The following CIAPIN1 variants were observed in gnomAD, a reference collection of about 807,000 sequenced individuals.
The protein encoded by CIAPIN1 is cytokine induced apoptosis inhibitor 1.
CIAPIN1 carries 18 observed loss-of-function variants against 34.3 expected under a neutral mutation model. The ratio of observed to expected loss-of-function variants is 0.52; its 90% CI spans 0.36 to 0.78. The LOEUF (loss-of-function observed/expected upper bound fraction) is 0.78. Ranked by LOEUF, CIAPIN1 falls within the 30% of genes least tolerant of loss-of-function variation. The pLI, the probability that CIAPIN1 is intolerant of heterozygous loss-of-function variation, is 0.00. For missense variants in CIAPIN1, 310 were observed against 372.5 expected, an observed-to-expected ratio of 0.83 and a Z score of 1.38; for synonymous variants, 131 against 140.4, an observed-to-expected ratio of 0.93 and a Z score of 0.47.
intron 3 of CIAPIN1, among the ~76,000 whole-genome samples, chr16:57,438,435 G>T (rs1470718508): frequency 6.6e-6 from 1 of 152,108 alleles, no homozygotes; most frequent in African/African-American, 2.4e-5. Flanking sequence ...ACAAAAAAAA[G>T]TTCTGTATAT....
At chr16:57,434,676 A>G (rs1359332417) in intron 4 of CIAPIN1, among the ~76,000 whole-genome samples, 1 of 152,240 alleles carries the variant, frequency 6.6e-6, no homozygotes, top group Non-Finnish European at 1.5e-5. Flanking sequence ...TCTATGTCCA[A>G]TAATTATAGA....
At position 57,430,353 on chromosome 16, in the gene CIAPIN1, A is replaced by T; in HGVS notation, c.747-14T>A. 24 of 1,613,626 alleles carry T rather than the reference A, an allele frequency of 1.5e-5. No homozygotes were observed. The highest frequency in any genetic ancestry group is 2.0e-5 in the Non-Finnish European group (23 of 1,179,456). Reference sequence around the variant, plus strand: ...AGGCCACAGGTGCTGCGGGAAAATCAGTAACTAATGAACGAGAATTGTCAC... The same window carrying T: ...AGGCCACAGGTGCTGCGGGAAAATCTGTAACTAATGAACGAGAATTGTCAC... On this transcript the variant is annotated splice_polypyrimidine_tract_variant and intron_variant, in intron 7 of 8. Transcript: ENST00000394391.
Position 57,429,020 on chromosome 16 carries a change from C to G in CIAPIN1, c.*150G>C, listed in dbSNP as rs536042144. 6.4e-6 allele frequency: 4 copies of G among 628,826 alleles called. No individual in the cohort carries two copies. The highest frequency in any genetic ancestry group is 1.9e-5 in the South Asian group (1 of 53,368). The allele number at this position is 628,826 out of a possible 1,614,324, so 39.0% of individuals were successfully genotyped here. A position where few individuals can be genotyped will look rare whatever the true frequency, so the allele number is the denominator to read the frequency against. On this transcript the variant is annotated 3_prime_UTR_variant, in exon 9 of 9. Coordinates refer to ENST00000394391, the MANE Select transcript of CIAPIN1 (RefSeq NM_020313.4). ...GCAGCACTACACACCACTGTGCCCC[C>G]CAGCCAGCTTCACTCTGTCTGCTAA...
chr16:57,439,345 G>C lies in CIAPIN1; in HGVS notation c.158-11C>G, dbSNP rs759569190. Reference sequence around the variant, plus strand: ...ATTCTTTGTGGGCAGCTGAAAAGAAGAGGACTCTAATTAGCAATCTCCTGA... The same window carrying C: ...ATTCTTTGTGGGCAGCTGAAAAGAACAGGACTCTAATTAGCAATCTCCTGA... On this transcript the variant is annotated splice_polypyrimidine_tract_variant and intron_variant, in intron 2 of 8. Transcript: ENST00000394391. 1.9e-6 allele frequency: 3 copies of C among 1,614,110 alleles called. No individual in the cohort carries two copies.
intron 7 of CIAPIN1, 137 bp downstream of exon 7, chr16:57,431,014 T>A (rs577319814): frequency 7.1e-5 from 37 of 522,866 alleles, no homozygotes; most frequent in Middle Eastern, 5.5e-4. Context: ...TTTTTTTTTT[T>A]AATTATTTGC....
chr16:57,443,276 A>G (rs1214236358), intron 1 of CIAPIN1, among the ~76,000 whole-genome samples: 1 of 151,410 alleles, frequency 6.6e-6, no homozygotes, highest in East Asian at 1.9e-4. Flanking sequence ...AGTAGCTGGG[A>G]TTACAGGCGT....
chr16:57,430,150 T>C, intron 8 of CIAPIN1, 108 bp downstream of exon 8: 1 of 942,084 alleles, frequency 1.1e-6, no homozygotes, highest in Non-Finnish European at 1.7e-6. Context: ...GCTCACGCAT[T>C]CGTCTGTTAC....
intron 6 of CIAPIN1, 33 bp downstream of exon 6, chr16:57,432,454 G>A (rs1443439140): frequency 6.2e-7 from 1 of 1,606,282 alleles, no homozygotes; most frequent in Non-Finnish European, 8.5e-7. Flanking sequence ...GGGCCTGAAA[G>A]AAAGCAATCA....
chr16:57,439,333 A>C lies in CIAPIN1; in HGVS notation c.159T>G (p.Ser53=), dbSNP rs1455155981. Residue 53 remains serine (S), a splice_region_variant and synonymous_variant, in exon 3 of 9, where the codon TCT becomes TCG. Transcript: ENST00000394391. Reference sequence around the variant, plus strand: ...TGTCAAAGCTGGATTCTTTGTGGGCAGCTGAAAAGAAGAGGACTCTAATTA... The same window carrying C: ...TGTCAAAGCTGGATTCTTTGTGGGCCGCTGAAAAGAAGAGGACTCTAATTA... ...SVENIKQLLQ[S]AHKESSFDII... The C allele has an allele frequency of 1.9e-6, 3 of 1,614,080 alleles. No individual in the cohort carries two copies. Among genetic ancestry groups the C allele is most frequent in the East Asian group, 4.5e-5 (2 of 44,896 alleles).
At chr16:57,439,613 C>T (rs1200253724) in intron 2 of CIAPIN1, among the ~76,000 whole-genome samples, 1 of 152,254 alleles carries the variant, frequency 6.6e-6, no homozygotes, top group African/African-American at 2.4e-5. Context: ...GGCAAAAGTA[C>T]ACAAATTGTG....
intron 1 of CIAPIN1, among the ~76,000 whole-genome samples, chr16:57,443,284 C>T (rs1316896363): frequency 6.6e-6 from 1 of 151,254 alleles, no homozygotes; most frequent in Non-Finnish European, 1.5e-5. Context: ...GGATTACAGG[C>T]GTGCACCACC....
intron 1 of CIAPIN1, among the ~76,000 whole-genome samples, chr16:57,443,417 G>C (rs1233489304): frequency 6.6e-6 from 1 of 152,134 alleles, no homozygotes; most frequent in East Asian, 1.9e-4. Flanking sequence ...GAGATTACAG[G>C]TGTGAGCCAC....
chr16:57,429,443 G>T (rs1903029667), intron 8 of CIAPIN1, among the ~76,000 whole-genome samples, 163 bp from the exon 9 acceptor site: 1 of 152,122 alleles, frequency 6.6e-6, no homozygotes, highest in African/African-American at 2.4e-5. Context: ...CAAGATTTCT[G>T]GTTTCGTGAA....
At chr16:57,441,559 C>G (rs2064233531) in intron 1 of CIAPIN1, among the ~76,000 whole-genome samples, 1 of 152,182 alleles carries the variant, frequency 6.6e-6, no homozygotes, top group Non-Finnish European at 1.5e-5. Flanking sequence ...TAAACATTAT[C>G]TCAACTGAAT....
At chr16:57,429,788 G>A (rs549865353) in intron 8 of CIAPIN1, among the ~76,000 whole-genome samples, 36 of 136,320 alleles carry the variant, frequency 2.6e-4, no homozygotes, top group East Asian at 1.1e-3. Flanking sequence ...CACCGCACCC[G>A]GCCTTTTTTT....
intron 1 of CIAPIN1, among the ~76,000 whole-genome samples, chr16:57,445,153 C>A (rs899568709): frequency 2.0e-5 from 3 of 152,090 alleles, no homozygotes; most frequent in South Asian, 2.1e-4. Flanking sequence ...TTCTTTAACT[C>A]GGGTGCATAA....
At chr16:57,432,593 A>C in intron 5 of CIAPIN1, 33 bp from the exon 6 acceptor site, 2 of 1,570,032 alleles carry the variant, frequency 1.3e-6, no homozygotes, top group South Asian at 2.2e-5. Context: ...AAAACTCCAT[A>C]AACACAGTCA....
Position 57,429,169 on chromosome 16 carries a change from C to T in CIAPIN1, c.*1G>A. ...CAGATGGGTCCCATGTCAGGAACCTCCTAGGCATCATGAAGATTGCTATCA... is the reference window on the plus strand; with the variant it reads ...CAGATGGGTCCCATGTCAGGAACCTTCTAGGCATCATGAAGATTGCTATCA... On this transcript the variant is annotated 3_prime_UTR_variant, in exon 9 of 9. Coordinates refer to ENST00000394391, the MANE Select transcript of CIAPIN1 (RefSeq NM_020313.4). 1 of 1,608,552 alleles carries T rather than the reference C, an allele frequency of 6.2e-7. No individual in the cohort carries two copies. The highest frequency in any genetic ancestry group is 8.5e-7 in the Non-Finnish European group (1 of 1,176,594).
At position 57,439,239 on chromosome 16, in the gene CIAPIN1, G is replaced by A. The variant is rs752413838; in HGVS notation, c.253C>T (p.Arg85Trp). 2.7e-5 allele frequency: 43 copies of A among 1,614,006 alleles called. No homozygotes were observed. Among genetic ancestry groups the A allele is most frequent in the African/African-American group, 4.0e-5 (3 of 74,896 alleles). Residue 85 changes from arginine to tryptophan, a missense_variant, in exon 3 of 9, where the codon CGG becomes TGG. Arg to Trp is a moderately radical substitution (Grantham distance 101). Transcript: ENST00000394391. ...HSAEILAEIA[R>W]ILRPGGCLFL... ...AGACATCCACCAGGCCGAAGGATCC[G>A]GGCGATTTCAGCCAAAATCTCAGCA...
Sources: allele counts gnomAD v4.1 joint callset (sites outside exome capture counted in the v4.1 genomes callset), GRCh38; gene constraint gnomAD v4.1.1; transcripts MANE v1.5; gene names NCBI Gene and HGNC (gene_info 2026-07-23, HGNC 2026-07-21).